SCAPER: variants seen among roughly 807,000 people sequenced by gnomAD.
SCAPER encodes S phase cyclin A-associated protein in the endoplasmic reticulum.
SCAPER carries 98 observed loss-of-function variants against 182.2 expected under a neutral mutation model. The observed-to-expected ratio is 0.54, with a 90% CI of 0.46 to 0.64. The LOEUF (loss-of-function observed/expected upper bound fraction) is 0.64. SCAPER is among the 30% of genes least tolerant of loss of function. The pLI, the probability that SCAPER is intolerant of heterozygous loss-of-function variation, is 0.00. For synonymous variants in SCAPER, 605 were observed against 564.6 expected (o/e 1.07, Z -1.01); for missense variants, 1,432 against 1,690.0 (o/e 0.85, Z 2.68).
intron 6 of SCAPER, among the ~76,000 whole-genome samples, chr15:76,804,295 T>C (rs1315580273): frequency 1.3e-5 from 2 of 152,222 alleles, no homozygotes; most frequent in Admixed American, 1.3e-4. Flanking sequence ...CCATGAGTGG[T>C]AAATGTGTCA....
chr15:76,428,602 G>A (rs1192219110), intron 26 of SCAPER, among the ~76,000 whole-genome samples: 1 of 152,082 alleles, frequency 6.6e-6, no homozygotes, highest in Middle Eastern at 3.4e-3. Flanking sequence ...TCCAGAAGCA[G>A]AGAGTACACC....
rs114399509 is a variant in SCAPER at position 76,358,736 on chromosome 15, T to C, written c.3856-4596A>G. 1.8e-3 allele frequency among the ~76,000 whole-genome samples: 267 copies of C among 152,356 alleles called. 3 individuals carry two copies. The highest frequency in any genetic ancestry group is 6.2e-3 in the African/African-American group (258 of 41,572). On this transcript the variant is annotated intron_variant, in intron 29 of 31. Coordinates refer to ENST00000563290, the MANE Select transcript of SCAPER (RefSeq NM_020843.4). ...GGTTAGGGCTTTAACATATGAATTC[T>C]GGGAAAAGAGTTCAGTCCATAGCAC...
chr15:76,699,772 A>G (rs1326595731), intron 20 of SCAPER, among the ~76,000 whole-genome samples: 1 of 152,020 alleles, frequency 6.6e-6, no homozygotes, highest in African/African-American at 2.4e-5. Context: ...CTTCATCAAC[A>G]TGGTGGTATC....
At chr15:76,721,470 T>C (rs1178038337) in intron 17 of SCAPER, among the ~76,000 whole-genome samples, 1 of 152,000 alleles carries the variant, frequency 6.6e-6, no homozygotes, top group Admixed American at 6.6e-5. Context: ...AAGAAAGTCA[T>C]TGGCAGCTTG....
rs1286501674 is a variant in SCAPER, at chr15:76,348,251, T to C, written c.*382A>G. The C allele has an allele frequency of 6.5e-6, 1 of 154,354 alleles. No homozygotes were observed. The allele number at this position is 154,354 out of a possible 1,614,324, so 9.6% of individuals were successfully genotyped here. ...CTTCAAGAGCTGGAGTTAACATTTT[T>C]CTTTCAGATTCGTATTTCCTTAACA... On this transcript the variant is annotated 3_prime_UTR_variant, in exon 32 of 32. Coordinates refer to ENST00000563290, the MANE Select transcript of SCAPER (RefSeq NM_020843.4).
chr15:76,826,582 A>C lies in SCAPER; in HGVS notation c.393+15152T>G, dbSNP rs910884019. Among the ~76,000 whole-genome samples, 12 of 152,034 alleles carry C rather than the reference A, an allele frequency of 7.9e-5. 1 individual carries two copies. The East Asian group carries it at 1.7e-3, about 22-fold the overall frequency. ...TATAATAATAATTAAAAAAAAAAAA[A>C]AACGGAATTATCTCAATAAAAAGTG... On this transcript the variant is annotated intron_variant, in intron 5 of 31. Transcript: ENST00000563290.
At chr15:76,447,495 T>A (rs2048080420) in intron 25 of SCAPER, among the ~76,000 whole-genome samples, 1 of 152,134 alleles carries the variant, frequency 6.6e-6, no homozygotes, top group Non-Finnish European at 1.5e-5. Flanking sequence ...CCTGTGGGTA[T>A]GATGCTACCT....
At chr15:76,713,798 A>T (rs893799098) in intron 17 of SCAPER, among the ~76,000 whole-genome samples, 14 of 152,092 alleles carry the variant, frequency 9.2e-5, no homozygotes, top group South Asian at 2.1e-4. Flanking sequence ...AATAAATTTT[A>T]AAAAAAGTAA....
chr15:76,715,114 C>A (rs1311248490), intron 17 of SCAPER, among the ~76,000 whole-genome samples: 2 of 152,038 alleles, frequency 1.3e-5, no homozygotes, highest in Non-Finnish European at 1.5e-5. Context: ...GAAGTGGCAT[C>A]CCACTCATTG....
intron 17 of SCAPER, among the ~76,000 whole-genome samples, chr15:76,711,858 T>G (rs1405915161): frequency 1.3e-5 from 2 of 152,178 alleles, no homozygotes; most frequent in Non-Finnish European, 1.5e-5. Flanking sequence ...GATGAGTAGG[T>G]TGCAAAAATT....
chr15:76,414,800 T>C (rs577666980), intron 26 of SCAPER, among the ~76,000 whole-genome samples: 1 of 152,340 alleles, frequency 6.6e-6, no homozygotes, highest in South Asian at 2.1e-4. Context: ...TGGAGATTTT[T>C]AACACTCCTA....
At position 76,606,952 on chromosome 15, in the gene SCAPER, A is replaced by G. The variant is rs1300187659; in HGVS notation, c.2711+14812T>C. Among the ~76,000 whole-genome samples, 15 of 152,078 alleles carry G rather than the reference A, an allele frequency of 9.9e-5. No homozygotes were observed. In the South Asian group the frequency reaches 2.1e-3, roughly 21 times the overall value. Reference sequence around the variant, plus strand: ...GTTTCCTGAATACAGCACACTGATGAGTCTTGACTCTTTATCCAATTTGCC... The same window carrying G: ...GTTTCCTGAATACAGCACACTGATGGGTCTTGACTCTTTATCCAATTTGCC... On this transcript the variant is annotated intron_variant, in intron 22 of 31. Transcript: ENST00000563290.
At chr15:76,434,805 AT>A (rs2047089026) in intron 25 of SCAPER, among the ~76,000 whole-genome samples, 1 of 152,182 alleles carries the variant, frequency 6.6e-6, no homozygotes, top group South Asian at 2.1e-4. Flanking sequence ...TCCCTAGTAC[AT>A]AATGCCACAC....
intron 25 of SCAPER, among the ~76,000 whole-genome samples, chr15:76,437,361 G>GA (rs949712766): frequency 2.4e-4 from 36 of 148,398 alleles, no homozygotes; most frequent in South Asian, 1.3e-3. Context: ...TTTCCAGATT[G>GA]AAAAAAAAAA....
intron 5 of SCAPER, among the ~76,000 whole-genome samples, chr15:76,806,721 C>G (rs751305969): frequency 1.3e-5 from 2 of 152,154 alleles, no homozygotes; most frequent in Non-Finnish European, 2.9e-5. Context: ...TTATTTCTTA[C>G]AATGATTTTT....
At chr15:76,661,708 T>C (rs1164130533) in intron 21 of SCAPER, among the ~76,000 whole-genome samples, 1 of 152,134 alleles carries the variant, frequency 6.6e-6, no homozygotes, top group Non-Finnish European at 1.5e-5. Context: ...TGTGAAGAAA[T>C]AGGAATGCTT....
chr15:76,512,999 C>G (rs1385492188), intron 23 of SCAPER, among the ~76,000 whole-genome samples: 1 of 152,214 alleles, frequency 6.6e-6, no homozygotes, highest in Non-Finnish European at 1.5e-5. Flanking sequence ...CCTCGGGACT[C>G]TCTTCCATGG....
intron 5 of SCAPER, among the ~76,000 whole-genome samples, chr15:76,829,042 A>G (rs1449144895): frequency 1.3e-5 from 2 of 152,222 alleles, no homozygotes; most frequent in African/African-American, 4.8e-5. Flanking sequence ...AATTTCAAAA[A>G]TTTGAAACCA....
At chr15:76,553,445 C>A (rs891662078) in intron 23 of SCAPER, among the ~76,000 whole-genome samples, 3 of 152,218 alleles carry the variant, frequency 2.0e-5, no homozygotes, top group African/African-American at 7.2e-5. Context: ...GTTTCTGCCC[C>A]ACTCCCACAG....
Sources: gnomAD v4.1 joint callset for allele counts (sites outside exome capture counted in the v4.1 genomes callset) on GRCh38, gnomAD v4.1.1 for gene constraint, MANE v1.5 for transcripts, NCBI Gene and HGNC (gene_info 2026-07-23, HGNC 2026-07-21) for gene names.